The following HLA-DRB1 variants were observed in gnomAD, a reference collection of about 807,000 sequenced individuals.
The protein encoded by HLA-DRB1 is major histocompatibility complex, class II, DR beta 1 precursor.
In HLA-DRB1, 10 loss-of-function variants were observed where a neutral mutation model predicts 27.9. The observed-to-expected ratio is 0.36, with a 90% CI of 0.22 to 0.61. HLA-DRB1 has a LOEUF of 0.61. Ranked by LOEUF, HLA-DRB1 falls within the 20% of genes least tolerant of loss-of-function variation. The probability of loss-of-function intolerance (pLI) is 0.73; values close to 1 mark genes in which losing one functional copy is unlikely to be tolerated. For synonymous variants in HLA-DRB1, 57 were observed against 126.7 expected (o/e 0.45, Z 3.69); for missense variants, 118 against 306.3 (o/e 0.39, Z 4.59).
Position 32,581,748 on chromosome 6 carries a change from C to T in HLA-DRB1, c.461G>A (p.Gly154Asp). 6 of 1,465,724 alleles carry T rather than the reference C, an allele frequency of 4.1e-6. No individual in the cohort carries two copies. In the South Asian group the frequency reaches 5.9e-5, roughly 14 times the overall value. 90.8% of individuals were successfully genotyped at this position (1,465,724 alleles called of 1,614,324 possible). ...CAGGAACCACCTGACTTCAATGCTG[C>T]CTGGATAGAAACCACTCACAGAGCA... is the stretch of plus-strand genomic sequence containing the variant. Residue 154 changes from glycine (G) to aspartate (D), a missense_variant, in exon 3 of 6, where the codon GGC (glycine) becomes GAC (aspartate). This residue lies in a region of HLA-DRB1 where 24 missense variants were observed against 114.5 expected (regional missense o/e 0.21). Transcript: ENST00000360004.
chr6:32,587,957 G>GCAT (rs1554130128), intron 1 of HLA-DRB1, among the ~76,000 whole-genome samples: 1 of 141,832 alleles, frequency 7.1e-6, no homozygotes, highest in Non-Finnish European at 1.5e-5. Context: ...ATAAACCAGG[G>GCAT]TATGGGAACT....
chr6:32,586,074 TTAAATATTGG>T (rs1776339543), intron 1 of HLA-DRB1, among the ~76,000 whole-genome samples: 1 of 76,320 alleles, frequency 1.3e-5, no homozygotes. Flanking sequence ...ACTGGCTGTG[TTAAATATTGG>T]CTGTGTGACA....
At position 32,582,279 on chromosome 6, in the gene HLA-DRB1, G is replaced by C. The variant is rs1267506090; in HGVS notation, c.371-441C>G. ...TAATTTACCTCTTGGGGTTATATGA[G>C]GATTAATGCACGTAAAATATATAAA... On this transcript the variant is annotated intron_variant, in intron 2 of 5. Coordinates refer to ENST00000360004, the Ensembl canonical transcript of HLA-DRB1. 4.6e-3 allele frequency among the ~76,000 whole-genome samples: 554 copies of C among 121,064 alleles called. 36 individuals carry two copies. In the East Asian group the frequency reaches 0.08, roughly 18 times the overall value. The allele number at this position is 121,064 out of a possible 152,430, so 79.4% of individuals were successfully genotyped here. A position where few individuals can be genotyped will look rare whatever the true frequency, so the allele number is the denominator to read the frequency against.
exon 2 of HLA-DRB1, chr6:32,584,115 G>T (rs17879125): frequency 7.3e-7 from 1 of 1,377,162 alleles, no homozygotes; most frequent in Non-Finnish European, 9.8e-7. Flanking sequence ...TCACCTCGCC[G>T]CTGCACTGTG....
chr6:32,582,301 T>G lies in HLA-DRB1; in HGVS notation c.371-463A>C, dbSNP rs553586185. Among the ~76,000 whole-genome samples the G allele has an allele frequency of 8.3e-3, 1,066 of 128,830 alleles. 17 individuals are homozygous for G. Among genetic ancestry groups the G allele is most frequent in the Middle Eastern group, 0.036 (8 of 224 alleles). The allele number at this position is 128,830 out of a possible 152,430, so 84.5% of individuals were successfully genotyped here. ...TGAGGATTAATGCACGTAAAATATA[T>G]AAAACAATGACTGAAGATAGCCTTC... On this transcript the variant is annotated intron_variant, in intron 2 of 5. Coordinates refer to ENST00000360004, the Ensembl canonical transcript of HLA-DRB1.
chr6:32,581,102 C>T (rs34472534), intron 3 of HLA-DRB1, among the ~76,000 whole-genome samples: 3 of 87,548 alleles, frequency 3.4e-5, no homozygotes, highest in Non-Finnish European at 4.9e-5. Context: ...CCACAGAAAG[C>T]CTGAGACTCA....
intron 1 of HLA-DRB1, among the ~76,000 whole-genome samples, chr6:32,587,954 AGGGTAT>A (rs1776739871): frequency 6.8e-6 from 1 of 148,010 alleles, no homozygotes; most frequent in African/African-American, 2.5e-5. Flanking sequence ...TGAATAAACC[AGGGTAT>A]GGGAACTGAT....
At chr6:32,586,154 A>G (rs111461278) in intron 1 of HLA-DRB1, among the ~76,000 whole-genome samples, 15,204 of 122,364 alleles carry the variant, frequency 0.12, 1,910 homozygotes, top group Non-Finnish European at 0.13. Context: ...GCTAATAATG[A>G]CTGAGCATCT....
chr6:32,584,148 T>C, exon 2 of HLA-DRB1: 3 of 1,468,844 alleles, frequency 2.0e-6, no homozygotes, highest in East Asian at 2.6e-5. Flanking sequence ...ACCCCGTAGT[T>C]GTGTCTGCAG....
At position 32,583,233 on chromosome 6, in the gene HLA-DRB1, G is replaced by A. The variant is rs9269890; in HGVS notation, c.370+876C>T. Among the ~76,000 whole-genome samples, 367 of 36,844 alleles carry A rather than the reference G, an allele frequency of 1.0e-2. 5 individuals carry two copies. Among genetic ancestry groups the A allele is most frequent in the Admixed American group, 0.014 (41 of 2,926 alleles). The allele number at this position is 36,844 out of a possible 152,430, so 24.2% of individuals were successfully genotyped here. A position where few individuals can be genotyped will look rare whatever the true frequency, so the allele number is the denominator to read the frequency against. ...AATAAATAGGGCAAAATAATTCAAA[G>A]GAATTACAAATAAAAAATATAAATT... is the stretch of plus-strand genomic sequence containing the variant. On this transcript the variant is annotated intron_variant, in intron 2 of 5. Coordinates refer to ENST00000360004, the Ensembl canonical transcript of HLA-DRB1.
At chr6:32,585,718 A>G (rs879545490) in intron 1 of HLA-DRB1, among the ~76,000 whole-genome samples, 16,415 of 102,188 alleles carry the variant, frequency 0.16, 1,758 homozygotes, top group Middle Eastern at 0.37. Context: ...GTATACCTAA[A>G]CCTCACACAA....
At chr6:32,582,586 A>C in intron 2 of HLA-DRB1, among the ~76,000 whole-genome samples, 1 of 107,186 alleles carries the variant, frequency 9.3e-6, no homozygotes, top group Non-Finnish European at 1.9e-5. Context: ...GACAGACAGA[A>C]ATGATTCTCC....
chr6:32,580,089 C>T, intron 5 of HLA-DRB1, 158 bp downstream of exon 5: 1 of 95,172 alleles, frequency 1.1e-5, no homozygotes, highest in African/African-American at 1.8e-4. Flanking sequence ...GGCGACAGAG[C>T]GAGACTCCGT....
At chr6:32,580,403 G>GGGGCAGAAAT (rs2150755282) in intron 4 of HLA-DRB1, 133 bp from the exon 5 acceptor site, 1 of 500,650 alleles carries the variant, frequency 2.0e-6, no homozygotes. Context: ...AGGGCAGAAA[G>GGGGCAGAAAT]GAGCAGAAAC....
exon 3 of HLA-DRB1, chr6:32,581,836 G>C (rs17882084): frequency 0.083 from 97,138 of 1,166,694 alleles, 9,524 homozygotes; most frequent in Admixed American, 0.083. Flanking sequence ...ACCTTAGGTT[G>C]GACTAGGAGA....
intron 1 of HLA-DRB1, among the ~76,000 whole-genome samples, chr6:32,585,965 G>A (rs1776321530): frequency 1.2e-5 from 1 of 86,764 alleles, no homozygotes; most frequent in Non-Finnish European, 2.3e-5. Context: ...GGCATATAGT[G>A]ATGGCGACTG....
chr6:32,582,949 A>C (rs34438142), intron 2 of HLA-DRB1, among the ~76,000 whole-genome samples: 27,712 of 135,572 alleles, frequency 0.2, 2,300 homozygotes, highest in East Asian at 0.34. Context: ...ATCATTAATA[A>C]AAATGTTGCA....
rs28732301 is a variant in HLA-DRB1 at position 32,581,059 on chromosome 6, G to A, written c.653-203C>T. Among the ~76,000 whole-genome samples, 33 of 90,026 alleles carry A rather than the reference G, an allele frequency of 3.7e-4. 1 individual carries two copies. Among genetic ancestry groups the A allele is most frequent in the Middle Eastern group, 4.8e-3 (1 of 208 alleles). The allele number at this position is 90,026 out of a possible 152,430, so 59.1% of individuals were successfully genotyped here. The stretch of plus-strand genomic sequence containing the variant: ...ACATCAAACTCATTCAAATATTACA[G>A]CCTTGATGTAAGGCACAAGTTCAAC... On this transcript the variant is annotated intron_variant, in intron 3 of 5. Transcript: ENST00000360004.
rs35067512 is a variant in HLA-DRB1 at position 32,580,257 on chromosome 6, A to G, written c.777T>C (p.Leu259=). The change falls in exon 5 of 6, where the codon CTT becomes CTC. Residue 259 remains leucine (L), a synonymous_variant. Coordinates refer to ENST00000360004, the Ensembl canonical transcript of HLA-DRB1. ...ATTAAAAGGTATTACCTGTTGGCTG[A>G]AGTCCAGAGTGTCCTGGGAAAAAGA... is the stretch of plus-strand genomic sequence containing the variant. 1.7e-3 allele frequency: 1,849 copies of G among 1,060,912 alleles called. 130 individuals carry two copies. In the East Asian group the frequency reaches 0.034, roughly 20 times the overall value. The allele number at this position is 1,060,912 out of a possible 1,614,324, so 65.7% of individuals were successfully genotyped here. A position where few individuals can be genotyped will look rare whatever the true frequency, so the allele number is the denominator to read the frequency against.
Sources: gnomAD v4.1 joint callset for allele counts (sites outside exome capture counted in the v4.1 genomes callset) on GRCh38, gnomAD v4.1.1 for gene constraint, gnomAD v4.1.1 regional missense constraint, MANE v1.5 for transcripts, NCBI Gene and HGNC (gene_info 2026-07-23, HGNC 2026-07-21) for gene names.